The following ATP9B variants were observed in gnomAD, a reference collection of about 807,000 sequenced individuals.
ATP9B encodes probable phospholipid-transporting ATPase IIB.
A neutral mutation model predicts 146.1 loss-of-function variants in ATP9B; 110 were observed. That is an observed-to-expected ratio of 0.75 (90% CI 0.65 to 0.88). The LOEUF is 0.88. ATP9B is among the 40% of genes least tolerant of loss of function. The probability of loss-of-function intolerance (pLI) is 0.00; values close to 1 mark genes in which losing one functional copy is unlikely to be tolerated. For missense variants in ATP9B, 1,499 were observed against 1,496.4 expected, an observed-to-expected ratio of 1.00 and a Z score of -0.03; for synonymous variants, 604 against 569.7, an observed-to-expected ratio of 1.06 and a Z score of -0.86.
At chr18:79,358,805 G>T (rs1454570853) in intron 25 of ATP9B, among the ~76,000 whole-genome samples, 1 of 126,208 alleles carries the variant, frequency 7.9e-6, no homozygotes, top group Non-Finnish European at 1.7e-5. Flanking sequence ...AGGTGTCCGT[G>T]TGAGGGACCC....
At chr18:79,206,241 A>G (rs2095532554) in intron 9 of ATP9B, among the ~76,000 whole-genome samples, 1 of 152,332 alleles carries the variant, frequency 6.6e-6, no homozygotes, top group East Asian at 1.9e-4. Flanking sequence ...CGCCCGGCCA[A>G]TAATAGCATA....
At chr18:79,118,390 G>GTTTTTTTTTTTTTTTTTTTTTTT (rs752788043) in intron 4 of ATP9B, among the ~76,000 whole-genome samples, 1 of 93,238 alleles carries the variant, frequency 1.1e-5, no homozygotes, top group Non-Finnish European at 2.2e-5. Flanking sequence ...GAACGTTTTT[G>GTTTTTTTTTTTTTTTTTTTTTTT]TTTTTTTTTT....
intron 14 of ATP9B, among the ~76,000 whole-genome samples, chr18:79,305,599 T>TAAA (rs898110756): frequency 6.7e-6 from 1 of 149,682 alleles, no homozygotes; most frequent in African/African-American, 2.5e-5. Flanking sequence ...CTCTGCTTTT[T>TAAA]AAAAAAAAAA....
chr18:79,193,646 TTG>T (rs2095390686), intron 9 of ATP9B, among the ~76,000 whole-genome samples: 1 of 152,226 alleles, frequency 6.6e-6, no homozygotes, highest in South Asian at 2.1e-4. Context: ...TACATGCATG[TTG>T]TGTTTCTTTA....
At chr18:79,178,037 G>A (rs770949444) in intron 8 of ATP9B, among the ~76,000 whole-genome samples, 3 of 152,174 alleles carry the variant, frequency 2.0e-5, no homozygotes, top group African/African-American at 4.8e-5. Context: ...GAGAGGTTGG[G>A]CAGTTGACAG....
chr18:79,307,311 G>T (rs2096625058), intron 15 of ATP9B, 77 bp downstream of exon 15: 1 of 1,590,570 alleles, frequency 6.3e-7, no homozygotes, highest in Non-Finnish European at 8.6e-7. Flanking sequence ...ATTCTTTCTG[G>T]GATGGGGAAT....
At chr18:79,126,541 A>G (rs1475714871) in intron 5 of ATP9B, among the ~76,000 whole-genome samples, 166 bp downstream of exon 5, 1 of 152,222 alleles carries the variant, frequency 6.6e-6, no homozygotes, top group Admixed American at 6.5e-5. Context: ...ATGCAATTTT[A>G]GGGTAGATAT....
At chr18:79,127,161 A>T (rs1296775060) in intron 5 of ATP9B, among the ~76,000 whole-genome samples, 1 of 152,234 alleles carries the variant, frequency 6.6e-6, no homozygotes, top group Non-Finnish European at 1.5e-5. Context: ...AGTACCTTCA[A>T]AAATGACTTA....
At chr18:79,209,972 G>A (rs937733062) in intron 10 of ATP9B, among the ~76,000 whole-genome samples, 11 of 151,984 alleles carry the variant, frequency 7.2e-5, no homozygotes, top group South Asian at 2.1e-4. Flanking sequence ...TTTAAAAGTC[G>A]TATCTCAGTT....
chr18:79,251,346 C>T (rs749780311), intron 11 of ATP9B, among the ~76,000 whole-genome samples: 3 of 152,130 alleles, frequency 2.0e-5, no homozygotes, highest in Non-Finnish European at 4.4e-5. Context: ...ATTTATTAAC[C>T]GATGGTAGTG....
chr18:79,105,475 G>A (rs760358071), intron 2 of ATP9B, among the ~76,000 whole-genome samples: 4 of 152,142 alleles, frequency 2.6e-5, no homozygotes, highest in Admixed American at 6.5e-5. Flanking sequence ...AAGACTGAGC[G>A]AGTAGGCTTT....
At chr18:79,345,666 T>C in intron 22 of ATP9B, 94 bp downstream of exon 22, 2 of 1,599,160 alleles carry the variant, frequency 1.3e-6, no homozygotes, top group Non-Finnish European at 1.7e-6. Flanking sequence ...TAAAACTAGA[T>C]TGATTTCATC....
chr18:79,155,460 G>T (rs930474612), intron 7 of ATP9B, among the ~76,000 whole-genome samples: 5 of 152,172 alleles, frequency 3.3e-5, no homozygotes, highest in Admixed American at 6.5e-5. Context: ...ATGTGACCTT[G>T]CCAAGTGGGC....
In ATP9B at chr18:79,307,014, C is replaced by CAAACTTAG. The variant is rs776407529; in HGVS notation, c.1553_1554insAAACTTAG (p.Gly519AsnfsTer8). On this transcript the variant is annotated frameshift_variant, in exon 15 of 30. Transcript: ENST00000426216. LOFTEE classifies it high-confidence loss of function. Reference sequence around the variant, plus strand: ...CAGTCTCAAGCTGGTGGAAACAATACTGGTTCAACTCCACTAAGAAAAGCC... The same window carrying CAAACTTAG: ...CAGTCTCAAGCTGGTGGAAACAATACAAACTTAGTGGTTCAACTCCACTAAGAAAAGCC... 38 of 1,614,016 alleles carry CAAACTTAG rather than the reference C, an allele frequency of 2.4e-5. No individual in the cohort carries two copies. The highest frequency in any genetic ancestry group is 3.1e-5 in the Non-Finnish European group (36 of 1,179,988).
chr18:79,106,819 A>C (rs1327536841), intron 2 of ATP9B, among the ~76,000 whole-genome samples: 2 of 152,192 alleles, frequency 1.3e-5, no homozygotes, highest in Non-Finnish European at 2.9e-5. Context: ...GCATTAGTTC[A>C]TGTAGTTGCT....
At chr18:79,306,470 G>A (rs2096621071) in intron 14 of ATP9B, among the ~76,000 whole-genome samples, 1 of 152,154 alleles carries the variant, frequency 6.6e-6, no homozygotes, top group Non-Finnish European at 1.5e-5. Flanking sequence ...ATTGTATTTG[G>A]TTGTTATTAT....
intron 6 of ATP9B, chr18:79,144,753 T>C (rs1042995356): frequency 6.6e-6 from 1 of 150,622 alleles, no homozygotes; most frequent in Non-Finnish European, 1.5e-5. Context: ...TTTTATTTTT[T>C]TTCTGAATAT....
intron 9 of ATP9B, among the ~76,000 whole-genome samples, chr18:79,199,202 T>C (rs888438959): frequency 1.3e-5 from 2 of 152,032 alleles, no homozygotes; most frequent in African/African-American, 4.8e-5. Flanking sequence ...CCATCTGCCT[T>C]GGCCTCCCAA....
intron 1 of ATP9B, among the ~76,000 whole-genome samples, chr18:79,073,537 A>G (rs2072221395): frequency 6.6e-6 from 1 of 152,206 alleles, no homozygotes; most frequent in Admixed American, 6.5e-5. Context: ...CTGAGGCAGG[A>G]GAATCAGGCA....
Sources: allele counts gnomAD v4.1 joint callset (sites outside exome capture counted in the v4.1 genomes callset), GRCh38; gene constraint gnomAD v4.1.1; transcripts MANE v1.5; gene names NCBI Gene and HGNC (gene_info 2026-07-23, HGNC 2026-07-21).